Variants in USP49 observed in about 807,000 individuals in gnomAD.
USP49 encodes the protein ubiquitin carboxyl-terminal hydrolase 49.
Under a neutral mutation model 58.6 loss-of-function variants are expected in USP49, and 24 were observed. That is an observed-to-expected ratio of 0.41 (90% CI 0.30 to 0.58). USP49 has a LOEUF of 0.58. USP49 is among the 20% of genes least tolerant of loss of function. USP49 has a pLI of 0.30. For missense variants in USP49, 703 were observed against 866.1 expected, an observed-to-expected ratio of 0.81 and a Z score of 2.36; for synonymous variants, 408 against 365.1, an observed-to-expected ratio of 1.12 and a Z score of -1.34.
Position 41,798,720 on chromosome 6 carries a change from G to A in USP49, c.1876+4C>T, listed in dbSNP as rs369650373. 129 of 1,613,822 alleles carry A rather than the reference G, an allele frequency of 8.0e-5. No homozygotes were observed. The highest frequency in any genetic ancestry group is 1.0e-4 in the Non-Finnish European group (122 of 1,180,008). On this transcript the variant is annotated splice_donor_region_variant and intron_variant, in intron 7 of 7. Coordinates refer to ENST00000682992, the MANE Select transcript of USP49 (RefSeq NM_001286554.2). ...CCCCACCCCACAGAGTAAAGCGCAC[G>A]CACCTCCCTCTGTGTTGTAGCAATA... is the stretch of plus-strand genomic sequence containing the variant.
At chr6:41,860,034 A>G (rs988900785) in intron 3 of USP49, among the ~76,000 whole-genome samples, 3 of 152,360 alleles carry the variant, frequency 2.0e-5, no homozygotes, top group South Asian at 4.1e-4. Flanking sequence ...ATGACCATCA[A>G]TGGCTACTCA....
intron 7 of USP49, 162 bp downstream of exon 7, chr6:41,798,562 C>T (rs1029911550): frequency 6.5e-7 from 1 of 1,536,556 alleles, no homozygotes; most frequent in Non-Finnish European, 8.8e-7. Context: ...AGGTGTGAGC[C>T]ACGGCGCCCA....
chr6:41,844,463 G>A lies in USP49; in HGVS notation c.-29+27101C>T, dbSNP rs187073116. Among the ~76,000 whole-genome samples the A allele has an allele frequency of 4.0e-3, 605 of 151,976 alleles. 5 individuals carry two copies. The highest frequency in any genetic ancestry group is 0.014 in the African/African-American group (577 of 41,488). On this transcript the variant is annotated intron_variant, in intron 3 of 7. Transcript: ENST00000682992. Reference sequence around the variant, plus strand: ...CCAGTAGCTGGGATTACAGGCGTCCGCCACCATGCTCGGCTAGTTTTTTGT... The same window carrying A: ...CCAGTAGCTGGGATTACAGGCGTCCACCACCATGCTCGGCTAGTTTTTTGT...
chr6:41,874,531 A>G (rs1774468437), intron 2 of USP49, among the ~76,000 whole-genome samples: 1 of 152,208 alleles, frequency 6.6e-6, no homozygotes, highest in African/African-American at 2.4e-5. Flanking sequence ...TACATATATT[A>G]ACAAATTCAA....
At chr6:41,864,915 A>G (rs1231707122) in intron 3 of USP49, among the ~76,000 whole-genome samples, 1 of 152,196 alleles carries the variant, frequency 6.6e-6, no homozygotes, top group South Asian at 2.1e-4. Flanking sequence ...TAAATAAATT[A>G]CAGGGTTTGG....
At chr6:41,826,014 G>A (rs1006251586) in intron 3 of USP49, among the ~76,000 whole-genome samples, 1 of 152,092 alleles carries the variant, frequency 6.6e-6, no homozygotes, top group Non-Finnish European at 1.5e-5. Context: ...CTATAATCCC[G>A]GCACTTTGGG....
rs1561902624 is a variant in USP49, at chr6:41,802,452, A to ATTTTTTTTTTTTTTTTTTT, written c.1561+1353_1561+1354insAAAAAAAAAAAAAAAAAAA. On this transcript the variant is annotated intron_variant, in intron 5 of 7. Transcript: ENST00000682992. ...ATTTTATTTATTTATTTATTTATTT[A>ATTTTTTTTTTTTTTTTTTT]TTTATTTATTTATTTATTTTTTATT... Among the ~76,000 whole-genome samples, 7 of 63,830 alleles carry ATTTTTTTTTTTTTTTTTTT rather than the reference A, an allele frequency of 1.1e-4. 1 individual carries two copies. Among genetic ancestry groups the ATTTTTTTTTTTTTTTTTTT allele is most frequent in the Non-Finnish European group, 1.7e-4 (6 of 34,514 alleles). The allele number at this position is 63,830 out of a possible 152,430, so 41.9% of individuals were successfully genotyped here.
intron 3 of USP49, among the ~76,000 whole-genome samples, chr6:41,820,567 A>G (rs1458334625): frequency 6.6e-6 from 1 of 150,678 alleles, no homozygotes; most frequent in African/African-American, 2.5e-5. Flanking sequence ...GCTTTGAAGT[A>G]CTCCAGGAAA....
At chr6:41,846,230 G>A (rs776169046) in intron 3 of USP49, among the ~76,000 whole-genome samples, 1 of 152,128 alleles carries the variant, frequency 6.6e-6, no homozygotes, top group African/African-American at 2.4e-5. Flanking sequence ...GGCAGGAGAA[G>A]CACTTGAACC....
intron 3 of USP49, among the ~76,000 whole-genome samples, chr6:41,855,303 T>G (rs1448016373): frequency 3.3e-5 from 5 of 151,084 alleles, no homozygotes; most frequent in Admixed American, 1.3e-4. Context: ...TCAGCTGAGG[T>G]CAGGAGTTCA....
intron 3 of USP49, among the ~76,000 whole-genome samples, chr6:41,842,255 C>T (rs906801780): frequency 6.6e-6 from 1 of 151,926 alleles, no homozygotes; most frequent in Non-Finnish European, 1.5e-5. Context: ...CACCTATAGT[C>T]CCAGCTACTT....
intron 3 of USP49, among the ~76,000 whole-genome samples, chr6:41,828,586 T>C (rs1371686998): frequency 6.6e-6 from 1 of 152,252 alleles, no homozygotes; most frequent in African/African-American, 2.4e-5. Context: ...ATATTTTTCA[T>C]ATTAAATGAT....
rs558124928 is a variant in USP49, at chr6:41,842,456, GT to G, written c.-29+29107del. Among the ~76,000 whole-genome samples, 378 of 152,226 alleles carry G rather than the reference GT, an allele frequency of 2.5e-3. 3 individuals are homozygous for G. The highest frequency in any genetic ancestry group is 8.6e-3 in the African/African-American group (358 of 41,536). On this transcript the variant is annotated intron_variant, in intron 3 of 7. Transcript: ENST00000682992. ...ATTATTTGTGCCAAACCTGTGGTCT[GT>G]ATATGATTTCACGTGGAATGGATTT...
At chr6:41,882,740 C>A (rs1304043053) in intron 2 of USP49, among the ~76,000 whole-genome samples, 2 of 152,108 alleles carry the variant, frequency 1.3e-5, no homozygotes, top group Admixed American at 1.3e-4. Context: ...CACGGTGAAA[C>A]CTCGTCTCTA....
rs540961679 is a variant in USP49 at position 41,864,676 on chromosome 6, T to C, written c.-29+6888A>G. 9.3e-4 allele frequency among the ~76,000 whole-genome samples: 141 copies of C among 152,356 alleles called. 1 individual carries two copies. Among genetic ancestry groups the C allele is most frequent in the African/African-American group, 3.3e-3 (136 of 41,598 alleles). On this transcript the variant is annotated intron_variant, in intron 3 of 7. Transcript: ENST00000682992. Reference sequence around the variant, plus strand: ...TATATTTTAAAATTAAAATAATTTTTGGAAAAAAATTTGGGTCATTCACGT... The same window carrying C: ...TATATTTTAAAATTAAAATAATTTTCGGAAAAAAATTTGGGTCATTCACGT...
At chr6:41,841,934 G>A (rs906498648) in intron 3 of USP49, among the ~76,000 whole-genome samples, 23 of 152,024 alleles carry the variant, frequency 1.5e-4, no homozygotes, top group Non-Finnish European at 2.9e-4. Context: ...GCGCCCGCCT[G>A]TAATCCCAGC....
intron 3 of USP49, among the ~76,000 whole-genome samples, chr6:41,858,694 T>C (rs904815396): frequency 5.9e-5 from 9 of 152,124 alleles, no homozygotes; most frequent in Non-Finnish European, 1.2e-4. Context: ...GATATCTACA[T>C]GGCTTGCCAT....
intron 3 of USP49, among the ~76,000 whole-genome samples, chr6:41,821,295 A>G (rs1773448815): frequency 6.6e-6 from 1 of 152,160 alleles, no homozygotes; most frequent in African/African-American, 2.4e-5. Context: ...AGTTGCCCCC[A>G]ACCCCACCAC....
chr6:41,856,326 G>C (rs2127352746), intron 3 of USP49, among the ~76,000 whole-genome samples: 1 of 151,098 alleles, frequency 6.6e-6, no homozygotes, highest in African/African-American at 2.4e-5. Flanking sequence ...AGTGAGCCGA[G>C]ATGGCGCCAC....
Sources: allele counts gnomAD v4.1 joint callset (sites outside exome capture counted in the v4.1 genomes callset), GRCh38; gene constraint gnomAD v4.1.1; transcripts MANE v1.5; gene names NCBI Gene and HGNC (gene_info 2026-07-23, HGNC 2026-07-21).